Variants in FRMPD2 observed in about 807,000 individuals in gnomAD.
FRMPD2 encodes FERM and PDZ domain-containing protein 2.
A neutral mutation model predicts 140.1 loss-of-function variants in FRMPD2; 96 were observed. The ratio of observed to expected loss-of-function variants is 0.69; its 90% CI spans 0.58 to 0.81. The LOEUF (loss-of-function observed/expected upper bound fraction) is 0.81. FRMPD2 is among the 40% of genes least tolerant of loss of function. The probability of loss-of-function intolerance (pLI) is 0.00; values close to 1 mark genes in which losing one functional copy is unlikely to be tolerated. For missense variants in FRMPD2, 1,240 were observed against 1,447.4 expected (o/e 0.86, Z 2.32); for synonymous variants, 449 against 547.6 (o/e 0.82, Z 2.52).
At position 48,185,535 on chromosome 10, in the gene FRMPD2, T is replaced by A; in HGVS notation, c.2359+18A>T. 2 of 1,594,124 alleles carry A rather than the reference T, an allele frequency of 1.3e-6. No individual in the cohort carries two copies. The highest frequency in any genetic ancestry group is 1.7e-6 in the Non-Finnish European group (2 of 1,161,756). On this transcript the variant is annotated intron_variant, in intron 18 of 28. Coordinates refer to ENST00000374201, the MANE Select transcript of FRMPD2 (RefSeq NM_001018071.4). ...CCAGCAGTAGAGACTGGGCCTCACC[T>A]ACAGGGAGCCCTCTTACCAAAACCA...
rs1264882380 is a variant in FRMPD2 at position 48,184,761 on chromosome 10, T to G, written c.2467+13A>C. ...TCTTAAAACAGCATCTCTAGTAATT[T>G]AAAAAGATGTACCTGGTTTGATCGT... On this transcript the variant is annotated intron_variant, in intron 19 of 28. Coordinates refer to ENST00000374201, the MANE Select transcript of FRMPD2 (RefSeq NM_001018071.4). 1 of 1,604,366 alleles carries G rather than the reference T, an allele frequency of 6.2e-7. No homozygotes were observed. Among genetic ancestry groups the G allele is most frequent in the South Asian group, 1.1e-5 (1 of 89,976 alleles).
intron 13 of FRMPD2, among the ~76,000 whole-genome samples, chr10:48,208,978 T>C (rs1839261830): frequency 6.6e-6 from 1 of 152,248 alleles, no homozygotes; most frequent in Non-Finnish European, 1.5e-5. Flanking sequence ...TAACTCCACC[T>C]GTGGGTATCT....
At chr10:48,242,768 C>T (rs562656989) in intron 4 of FRMPD2, among the ~76,000 whole-genome samples, 8 of 152,230 alleles carry the variant, frequency 5.3e-5, no homozygotes, top group Non-Finnish European at 1.0e-4. Context: ...TGGCCTTTCC[C>T]CTGGAATGTG....
chr10:48,187,459 C>T (rs1158242164), intron 16 of FRMPD2, among the ~76,000 whole-genome samples, 167 bp from the exon 17 acceptor site: 2 of 152,138 alleles, frequency 1.3e-5, no homozygotes, highest in South Asian at 2.1e-4. Context: ...AGAGGGACCC[C>T]ATCGAGGGCT....
At chr10:48,254,001 A>G (rs1840441692) in intron 1 of FRMPD2, among the ~76,000 whole-genome samples, 1 of 152,054 alleles carries the variant, frequency 6.6e-6, no homozygotes. Flanking sequence ...CACAACTTCC[A>G]TATCAAATAT....
At chr10:48,251,991 T>C (rs1318021210) in intron 1 of FRMPD2, among the ~76,000 whole-genome samples, 4 of 152,174 alleles carry the variant, frequency 2.6e-5, no homozygotes, top group African/African-American at 9.6e-5. Context: ...AAATGAAACA[T>C]GAGAACAGCA....
intron 1 of FRMPD2, among the ~76,000 whole-genome samples, chr10:48,267,699 G>A (rs897222447): frequency 5.9e-5 from 9 of 152,274 alleles, no homozygotes; most frequent in South Asian, 2.1e-4. Context: ...ATATGTGAAT[G>A]TTCATAGCAA....
At chr10:48,240,954 A>C (rs1840091439) in intron 5 of FRMPD2, among the ~76,000 whole-genome samples, 1 of 152,172 alleles carries the variant, frequency 6.6e-6, no homozygotes, top group African/African-American at 2.4e-5. Context: ...TAGCACACCT[A>C]ATGCAGTGCC....
intron 1 of FRMPD2, among the ~76,000 whole-genome samples, chr10:48,260,161 T>A (rs1318733385): frequency 6.6e-6 from 1 of 151,794 alleles, no homozygotes; most frequent in Non-Finnish European, 1.5e-5. Flanking sequence ...ATAGATAGAT[T>A]GATAGATAGA....
In FRMPD2 at chr10:48,201,233, A is replaced by G. The variant is rs1212355847; in HGVS notation, c.1949T>C (p.Leu650Ser). 6.2e-7 allele frequency: 1 copy of G among 1,603,804 alleles called. No homozygotes were observed. The highest frequency in any genetic ancestry group is 8.5e-7 in the Non-Finnish European group (1 of 1,175,080). Reference protein sequence around the residue: ...QMGSGQPSHVLFDHDKFVQMA... With the variant: ...QMGSGQPSHVSFDHDKFVQMA... ...AGAATACAGCTTCTACTCACCAAAT[A>G]AAACATGGGAAGGCTGCCCAGAGCC... The change falls in exon 15 of 29, where the codon TTA (leucine) becomes TCA (serine). Residue 650 changes from leucine (L) to serine (S), a missense_variant. Physicochemically the swap from Leu to Ser is moderately radical, Grantham distance 145 (BLOSUM62 -2). This residue lies in a region of FRMPD2 where 1,161 missense variants were observed against 1,055.9 expected (regional missense o/e 1.10). Transcript: ENST00000374201.
chr10:48,244,882 A>C, intron 3 of FRMPD2, 33 bp from the exon 4 acceptor site: 13 of 1,465,586 alleles, frequency 8.9e-6, no homozygotes, highest in Non-Finnish European at 1.1e-5. Context: ...ATTAGATTTC[A>C]ATCATCTCTG....
intron 6 of FRMPD2, among the ~76,000 whole-genome samples, 178 bp downstream of exon 6, chr10:48,240,182 C>T (rs1331252317): frequency 6.6e-6 from 1 of 152,248 alleles, no homozygotes. Flanking sequence ...ATAAGACTTT[C>T]CTGGGAACAC....
intron 25 of FRMPD2, 90 bp downstream of exon 25, chr10:48,172,856 A>C: frequency 1.2e-6 from 1 of 807,032 alleles, no homozygotes; most frequent in Non-Finnish European, 2.1e-6. Flanking sequence ...ACCCAGAGGA[A>C]GCCTTCCTGC....
chr10:48,214,200 A>G (rs906181764), intron 12 of FRMPD2, among the ~76,000 whole-genome samples: 2 of 152,218 alleles, frequency 1.3e-5, no homozygotes, highest in African/African-American at 4.8e-5. Context: ...AAAAATCCCA[A>G]CGTTCTCTCT....
At chr10:48,159,394 A>G (rs1554790573) in intron 28 of FRMPD2, among the ~76,000 whole-genome samples, 3 of 151,314 alleles carry the variant, frequency 2.0e-5, no homozygotes, top group African/African-American at 4.9e-5. Context: ...GGGAGCCTGT[A>G]AGGTGTAAAG....
At chr10:48,208,103 T>C (rs74759397) in intron 13 of FRMPD2, among the ~76,000 whole-genome samples, 2,216 of 152,228 alleles carry the variant, frequency 0.015, 54 homozygotes, top group African/African-American at 0.048. Flanking sequence ...TACAAATCAA[T>C]ATTTATTGAG....
chr10:48,268,753 T>C (rs1475295788), intron 1 of FRMPD2, among the ~76,000 whole-genome samples: 1 of 152,196 alleles, frequency 6.6e-6, no homozygotes, highest in Non-Finnish European at 1.5e-5. Flanking sequence ...AGAATAGTTT[T>C]GTATCTTGAT....
At chr10:48,185,723 A>G (rs1838668035) in intron 17 of FRMPD2, 78 bp from the exon 18 acceptor site, 2 of 1,024,278 alleles carry the variant, frequency 2.0e-6, no homozygotes, top group Non-Finnish European at 3.1e-6. Context: ...AGTAAACAGC[A>G]TTTCACACAC....
At chr10:48,159,134 G>A (rs1837866763) in intron 28 of FRMPD2, 2 of 456,130 alleles carry the variant, frequency 4.4e-6, no homozygotes, top group Non-Finnish European at 8.8e-6. Flanking sequence ...CCAACATCAG[G>A]CCCCATATTG....
Sources: gnomAD v4.1 joint callset for allele counts (sites outside exome capture counted in the v4.1 genomes callset) on GRCh38, gnomAD v4.1.1 for gene constraint, gnomAD v4.1.1 regional missense constraint, MANE v1.5 for transcripts, NCBI Gene and HGNC (gene_info 2026-07-23, HGNC 2026-07-21) for gene names.